The following STRN variants were observed in gnomAD, a reference collection of about 807,000 sequenced individuals.
STRN encodes the protein striatin, also known as protein phosphatase 2 regulatory subunit B'''alpha.
A neutral mutation model predicts 96.3 loss-of-function variants in STRN; 53 were observed. That is an observed-to-expected ratio of 0.55 (90% CI 0.44 to 0.69). STRN has a LOEUF of 0.69. STRN is among the 30% of genes least tolerant of loss of function. STRN has a pLI of 0.00. For missense variants in STRN, 987 were observed against 963.9 expected, an observed-to-expected ratio of 1.02 and a Z score of -0.32; for synonymous variants, 428 against 355.9, an observed-to-expected ratio of 1.20 and a Z score of -2.28.
At chr2:36,959,595 C>T (rs1664979145) in intron 1 of STRN, among the ~76,000 whole-genome samples, 1 of 152,176 alleles carries the variant, frequency 6.6e-6, no homozygotes, top group Non-Finnish European at 1.5e-5. Context: ...TCTGTCATTA[C>T]ATCTCAGTCA....
intron 5 of STRN, among the ~76,000 whole-genome samples, chr2:36,901,003 G>GA (rs535903214): frequency 0.046 from 6,233 of 134,694 alleles, 156 homozygotes; most frequent in Middle Eastern, 0.17. Flanking sequence ...GCATTTTCCT[G>GA]AAAAAAAAAA....
In STRN at chr2:36,848,669, A is replaced by G. The variant is rs1023733257; in HGVS notation, c.*787T>C. On this transcript the variant is annotated 3_prime_UTR_variant, in exon 18 of 18. Coordinates refer to ENST00000263918, the MANE Select transcript of STRN (RefSeq NM_003162.4). ...CCTGTTTACCCTTAAAAATAAACAG[A>G]ATTTCAAACCTGAATAAGTTAAATC... is the stretch of plus-strand genomic sequence containing the variant. 1 of 152,202 alleles carries G rather than the reference A, an allele frequency of 6.6e-6. No homozygotes were observed. The highest frequency in any genetic ancestry group is 2.4e-5 in the African/African-American group (1 of 41,454). The allele number at this position is 152,202 out of a possible 1,614,324, so 9.4% of individuals were successfully genotyped here. A position where few individuals can be genotyped will look rare whatever the true frequency, so the allele number is the denominator to read the frequency against.
intron 2 of STRN, among the ~76,000 whole-genome samples, chr2:36,919,026 T>C (rs1225469480): frequency 1.3e-5 from 2 of 152,204 alleles, no homozygotes; most frequent in African/African-American, 4.8e-5. Context: ...AGAAGAGTAA[T>C]TTTAGCTTTG....
Position 36,858,029 on chromosome 2 carries a change from C to T in STRN, c.1670-6G>A, listed in dbSNP as rs1318815320. On this transcript the variant is annotated splice_region_variant and splice_polypyrimidine_tract_variant and intron_variant, in intron 13 of 17. Transcript: ENST00000263918. ...GCCTCGTAAAACAGAAGGATCTATA[C>T]AAAACAGTAAAAATGCAAAATCAGG... 6.4e-7 allele frequency: 1 copy of T among 1,560,998 alleles called. No individual in the cohort carries two copies. The highest frequency in any genetic ancestry group is 8.7e-7 in the Non-Finnish European group (1 of 1,149,926).
intron 2 of STRN, among the ~76,000 whole-genome samples, chr2:36,916,901 A>G (rs1022484293): frequency 1.3e-5 from 2 of 152,144 alleles, no homozygotes; most frequent in Admixed American, 6.5e-5. Context: ...GAAATTTTTA[A>G]AAGGGTGACT....
At chr2:36,869,835 T>C in intron 10 of STRN, 106 bp from the exon 11 acceptor site, 1 of 884,662 alleles carries the variant, frequency 1.1e-6, no homozygotes, top group Non-Finnish European at 1.5e-6. Context: ...AACGATCACT[T>C]TGCAATTTTT....
At chr2:36,890,693 A>T (rs1435971117) in intron 7 of STRN, among the ~76,000 whole-genome samples, 1 of 152,086 alleles carries the variant, frequency 6.6e-6, no homozygotes, top group African/African-American at 2.4e-5. Flanking sequence ...CAGGTTAGCC[A>T]GGCTAGTCTC....
chr2:36,906,566 T>C (rs1669826709), intron 3 of STRN, among the ~76,000 whole-genome samples: 1 of 152,064 alleles, frequency 6.6e-6, no homozygotes. Flanking sequence ...AGAGCCAATT[T>C]GGTAAAGAGC....
At chr2:36,859,587 A>G (rs1456653883) in intron 13 of STRN, among the ~76,000 whole-genome samples, 3 of 152,244 alleles carry the variant, frequency 2.0e-5, no homozygotes, top group Non-Finnish European at 4.4e-5. Context: ...AAGCTTAAAG[A>G]TGTATGAGTC....
intron 4 of STRN, among the ~76,000 whole-genome samples, chr2:36,905,030 C>T (rs1038009728): frequency 2.7e-5 from 4 of 148,398 alleles, no homozygotes; most frequent in Non-Finnish European, 5.9e-5. Context: ...AGTGCAATGG[C>T]GCGATCTCGG....
At chr2:36,881,347 T>C (rs1175033968) in intron 9 of STRN, among the ~76,000 whole-genome samples, 2 of 152,192 alleles carry the variant, frequency 1.3e-5, no homozygotes, top group South Asian at 2.1e-4. Flanking sequence ...AGGCTGGTCT[T>C]GAATTTCTGG....
chr2:36,886,431 A>T (rs1008609034), intron 8 of STRN, among the ~76,000 whole-genome samples: 3 of 152,182 alleles, frequency 2.0e-5, no homozygotes, highest in African/African-American at 7.2e-5. Flanking sequence ...TTAAAAATCA[A>T]ATTATCACTG....
chr2:36,863,718 A>C (rs1441785133), intron 12 of STRN, among the ~76,000 whole-genome samples: 1 of 152,190 alleles, frequency 6.6e-6, no homozygotes, highest in Non-Finnish European at 1.5e-5. Flanking sequence ...GTTTGATAGG[A>C]ATAGCATTGA....
At chr2:36,920,638 CAAAAAAAAAAA>C (rs1312882065) in intron 2 of STRN, among the ~76,000 whole-genome samples, 1 of 62,124 alleles carries the variant, frequency 1.6e-5, no homozygotes, top group Admixed American at 1.9e-4. Flanking sequence ...AACTCCGTCT[CAAAAAAAAAAA>C]AAAAAAGACA....
chr2:36,957,330 G>T (rs1465595748), intron 1 of STRN, among the ~76,000 whole-genome samples: 1 of 152,234 alleles, frequency 6.6e-6, no homozygotes, highest in Non-Finnish European at 1.5e-5. Flanking sequence ...GCTCACGTCT[G>T]TAATTCCAGC....
rs146047957 is a variant in STRN at position 36,953,695 on chromosome 2, C to G, written c.234+12535G>C. ...GGGATTACAGGCGTGAGCCACCGTG[C>G]CAGGCCAAGGTACTTTAAGAAAAAA... On this transcript the variant is annotated intron_variant, in intron 1 of 17. Transcript: ENST00000263918. Among the ~76,000 whole-genome samples the G allele has an allele frequency of 6.0e-4, 91 of 152,270 alleles. No individual in the cohort carries two copies. The East Asian group carries it at 8.7e-3, about 15-fold the overall frequency.
chr2:36,935,040 T>C (rs1294205761), intron 1 of STRN, among the ~76,000 whole-genome samples: 1 of 152,208 alleles, frequency 6.6e-6, no homozygotes, highest in Non-Finnish European at 1.5e-5. Context: ...ACTACACCAC[T>C]GTGCTCTAGC....
In STRN at chr2:36,839,315, GGTGAA is replaced by G. The variant is rs1209692848; in HGVS notation, c.*10136_*10140del. 3.9e-5 allele frequency among the ~76,000 whole-genome samples: 6 copies of G among 152,088 alleles called. No homozygotes were observed. The highest frequency in any genetic ancestry group is 1.3e-4 in the Admixed American group (2 of 15,260). ...CCCCCACCTGGAATGTGCTGCATCA[GGTGAA>G]GTTTTTGTTTACTGCTGACTGCCAG... is the stretch of plus-strand genomic sequence containing the variant. On this transcript the variant is annotated 3_prime_UTR_variant, in exon 18 of 18. Transcript: ENST00000263918.
chr2:36,849,675 G>A, intron 17 of STRN, 39 bp downstream of exon 17: 1 of 1,613,138 alleles, frequency 6.2e-7, no homozygotes, highest in Non-Finnish European at 8.5e-7. Flanking sequence ...ACATGAAAAT[G>A]GTAAGGACAA....
Sources: gnomAD v4.1 joint callset for allele counts (sites outside exome capture counted in the v4.1 genomes callset) on GRCh38, gnomAD v4.1.1 for gene constraint, MANE v1.5 for transcripts, NCBI Gene and HGNC (gene_info 2026-07-23, HGNC 2026-07-21) for gene names.